The following R3HCC1L variants were observed in gnomAD, a reference collection of about 807,000 sequenced individuals.
R3HCC1L encodes R3H domain and coiled-coil containing 1 like.
A neutral mutation model predicts 59.9 loss-of-function variants in R3HCC1L; 51 were observed. That is an observed-to-expected ratio of 0.85 (90% CI 0.68 to 1.07). The LOEUF is 1.07. R3HCC1L is among the 50% of genes least tolerant of loss of function. The pLI is 0.00. For missense variants in R3HCC1L, 965 were observed against 933.0 expected, an observed-to-expected ratio of 1.03 and a Z score of -0.45; for synonymous variants, 322 against 315.2, an observed-to-expected ratio of 1.02 and a Z score of -0.23.
chr10:98,232,081 T>C (rs1211297276), intron 6 of R3HCC1L, among the ~76,000 whole-genome samples: 1 of 152,148 alleles, frequency 6.6e-6, no homozygotes, highest in Admixed American at 6.6e-5. Flanking sequence ...CTCGACTTCC[T>C]GGGCTCAAGC....
chr10:98,180,290 A>T (rs1160328823), intron 4 of R3HCC1L, among the ~76,000 whole-genome samples: 1 of 152,096 alleles, frequency 6.6e-6, no homozygotes, highest in Non-Finnish European at 1.5e-5. Flanking sequence ...GAACATCGTT[A>T]TTTCTGCCTT....
intron 4 of R3HCC1L, among the ~76,000 whole-genome samples, chr10:98,178,901 GCA>G (rs1849334459): frequency 6.6e-6 from 1 of 152,118 alleles, no homozygotes; most frequent in Non-Finnish European, 1.5e-5. Context: ...TGTGATTTTT[GCA>G]CATTGATTTT....
Sources: gnomAD v4.1 joint callset for allele counts (sites outside exome capture counted in the v4.1 genomes callset) on GRCh38, gnomAD v4.1.1 for gene constraint, MANE v1.5 for transcripts, NCBI Gene and HGNC (gene_info 2026-07-23, HGNC 2026-07-21) for gene names.